The following CHIC2 variants were observed in gnomAD, a reference collection of about 807,000 sequenced individuals.
CHIC2 encodes cysteine-rich hydrophobic domain-containing protein 2.
Under a neutral mutation model 25.9 loss-of-function variants are expected in CHIC2, and 14 were observed. The ratio of observed to expected loss-of-function variants is 0.54; its 90% CI spans 0.36 to 0.85. CHIC2 has a LOEUF of 0.85. Ranked by LOEUF, CHIC2 falls within the 40% of genes least tolerant of loss-of-function variation. CHIC2 has a pLI of 0.01. For synonymous variants in CHIC2, 70 were observed against 72.0 expected, an observed-to-expected ratio of 0.97 and a Z score of 0.14; for missense variants, 146 against 202.0, an observed-to-expected ratio of 0.72 and a Z score of 1.68.
chr4:54,036,652 A>C (rs959614073), intron 3 of CHIC2, among the ~76,000 whole-genome samples: 1 of 152,206 alleles, frequency 6.6e-6, no homozygotes, highest in African/African-American at 2.4e-5. Context: ...ACTCTTTAAA[A>C]GACTATACTA....
chr4:54,072,172 G>C, the CHIC2 span, among the ~76,000 whole-genome samples: 3 of 151,918 alleles, frequency 2.0e-5, no homozygotes, highest in Admixed American at 2.0e-4. Flanking sequence ...GCGTGGTGGT[G>C]AGCACCTATA....
chr4:54,025,878 T>G, intron 3 of CHIC2, among the ~76,000 whole-genome samples: 1 of 150,164 alleles, frequency 6.7e-6, no homozygotes. Flanking sequence ...AAATAGGAAT[T>G]GTTTTAAAAA....
At chr4:54,087,201 C>G in the CHIC2 span, 1 of 670,142 alleles carries the variant, frequency 1.5e-6, no homozygotes, top group South Asian at 1.7e-5. Context: ...ACCAGCAAAG[C>G]ACCTCAGACC....
At chr4:54,061,904 G>A (rs1185641632) in intron 1 of CHIC2, among the ~76,000 whole-genome samples, 1 of 152,154 alleles carries the variant, frequency 6.6e-6, no homozygotes, top group East Asian at 1.9e-4. Context: ...TCATTGTTAT[G>A]TTTGATAATG....
intron 3 of CHIC2, among the ~76,000 whole-genome samples, chr4:54,043,993 G>A (rs1260178588): frequency 6.6e-6 from 1 of 152,040 alleles, no homozygotes; most frequent in East Asian, 1.9e-4. Flanking sequence ...AAAAAGGCAG[G>A]GGTTGCAATC....
At chr4:54,073,699 T>G in the CHIC2 span, among the ~76,000 whole-genome samples, 821 of 152,324 alleles carry the variant, frequency 5.4e-3, 14 homozygotes, top group African/African-American at 0.019. Context: ...TGTTTATTGT[T>G]GTTTTAAGCT....
chr4:54,012,626 T>G (rs1715629074), intron 5 of CHIC2, among the ~76,000 whole-genome samples: 1 of 152,040 alleles, frequency 6.6e-6, no homozygotes, highest in Non-Finnish European at 1.5e-5. Context: ...CTCCCCAAAA[T>G]ATATACATAA....
In CHIC2 at chr4:54,057,025, C is replaced by T. The variant is rs73818152; in HGVS notation, c.119+7157G>A. 5.3e-3 allele frequency among the ~76,000 whole-genome samples: 805 copies of T among 152,270 alleles called. 8 individuals carry two copies. The highest frequency in any genetic ancestry group is 0.019 in the African/African-American group (776 of 41,554). Reference sequence around the variant, plus strand: ...GCAGGTATGCCATCAAAATCACTCCCAGTGAACAGTAAGGGTAGCCAGTTA... The same window carrying T: ...GCAGGTATGCCATCAAAATCACTCCTAGTGAACAGTAAGGGTAGCCAGTTA... On this transcript the variant is annotated intron_variant, in intron 1 of 5. Transcript: ENST00000263921.
chr4:54,035,038 T>C (rs1716340810), intron 3 of CHIC2, among the ~76,000 whole-genome samples: 1 of 152,224 alleles, frequency 6.6e-6, no homozygotes, highest in South Asian at 2.1e-4. Context: ...TTACATTCAT[T>C]GCATTTTTGG....
At chr4:54,047,566 G>A (rs528838245) in intron 3 of CHIC2, among the ~76,000 whole-genome samples, 3 of 147,292 alleles carry the variant, frequency 2.0e-5, no homozygotes, top group South Asian at 2.1e-4. Flanking sequence ...ACCAAACACC[G>A]CATATTCTCA....
At chr4:54,015,106 T>C (rs530757820) in intron 3 of CHIC2, among the ~76,000 whole-genome samples, 4 of 152,286 alleles carry the variant, frequency 2.6e-5, no homozygotes, top group Non-Finnish European at 5.9e-5. Context: ...TTAATATGTA[T>C]TTAAAGTATC....
chr4:54,088,033 T>C, the CHIC2 span, among the ~76,000 whole-genome samples: 1 of 152,320 alleles, frequency 6.6e-6, no homozygotes, highest in African/African-American at 2.4e-5. Context: ...AACATTTTAT[T>C]GCCTAGTTGA....
chr4:54,018,098 GA>G (rs1159503248), intron 3 of CHIC2, among the ~76,000 whole-genome samples: 2 of 151,920 alleles, frequency 1.3e-5, no homozygotes, highest in Non-Finnish European at 1.5e-5. Context: ...GTGAAAATAG[GA>G]AAAACATGAA....
chr4:54,091,599 G>A, the CHIC2 span, among the ~76,000 whole-genome samples: 1 of 152,062 alleles, frequency 6.6e-6, no homozygotes. Context: ...ACACTGCTTG[G>A]GTGATGGGTG....
chr4:54,020,689 C>T (rs1182572084), intron 3 of CHIC2, among the ~76,000 whole-genome samples: 5 of 152,090 alleles, frequency 3.3e-5, no homozygotes, highest in African/African-American at 1.2e-4. Flanking sequence ...CAGCCTCTCT[C>T]GCTACCCTTC....
chr4:54,088,524 G>A, the CHIC2 span, among the ~76,000 whole-genome samples: 1 of 152,210 alleles, frequency 6.6e-6, no homozygotes, highest in Non-Finnish European at 1.5e-5. Context: ...TGAGCTTGTA[G>A]GGGAAGAGTT....
chr4:54,082,999 C>T, the CHIC2 span, among the ~76,000 whole-genome samples: 1 of 134,814 alleles, frequency 7.4e-6, no homozygotes, highest in Non-Finnish European at 1.6e-5. Flanking sequence ...TCTACTCTCA[C>T]TTTCTTTTTT....
chr4:54,021,886 T>G (rs1337010254), intron 3 of CHIC2, among the ~76,000 whole-genome samples: 1 of 151,964 alleles, frequency 6.6e-6, no homozygotes, highest in Non-Finnish European at 1.5e-5. Context: ...ACAAGAGGAC[T>G]TAATTAACCT....
the CHIC2 span, chr4:54,087,045 G>A: frequency 8.7e-7 from 1 of 1,149,178 alleles, no homozygotes; most frequent in Non-Finnish European, 1.3e-6. Flanking sequence ...AGGAAAGAAG[G>A]CAGCTGGTCC....
Sources: gnomAD v4.1 joint callset for allele counts (sites outside exome capture counted in the v4.1 genomes callset) on GRCh38, gnomAD v4.1.1 for gene constraint, MANE v1.5 for transcripts, NCBI Gene and HGNC (gene_info 2026-07-23, HGNC 2026-07-21) for gene names.